The following MED12L variants were observed in gnomAD, a reference collection of about 807,000 sequenced individuals.
MED12L encodes the protein mediator complex subunit 12L, also known as mediator of RNA polymerase II transcription subunit 12-like protein.
In MED12L, 60 loss-of-function variants were observed where a neutral mutation model predicts 281.3. The ratio of observed to expected loss-of-function variants is 0.21; its 90% CI spans 0.17 to 0.26. MED12L has a LOEUF of 0.26. MED12L is among the 10% of genes least tolerant of loss of function. The pLI is 1.00. For synonymous variants in MED12L, 974 were observed against 987.2 expected, an observed-to-expected ratio of 0.99 and a Z score of 0.25; for missense variants, 2,146 against 2,680.9, an observed-to-expected ratio of 0.80 and a Z score of 4.41.
At chr3:151,261,761 G>A (rs1738949028) in intron 16 of MED12L, among the ~76,000 whole-genome samples, 1 of 151,890 alleles carries the variant, frequency 6.6e-6, no homozygotes, top group Non-Finnish European at 1.5e-5. Flanking sequence ...GTCTTGCTGT[G>A]TCATCCAGGC....
rs74485012 is a variant in MED12L, at chr3:151,250,480, C to T, written c.2250+56814C>T. Reference sequence around the variant, plus strand: ...CCCTGGTAACTACTGTTCTTCTCTACGAAGTTGAATACTCTAGCTATCTCA... The same window carrying T: ...CCCTGGTAACTACTGTTCTTCTCTATGAAGTTGAATACTCTAGCTATCTCA... On this transcript the variant is annotated intron_variant, in intron 16 of 44. Transcript: ENST00000687756. Among the ~76,000 whole-genome samples the T allele has an allele frequency of 9.3e-3, 1,423 of 152,206 alleles. 18 individuals are homozygous for T. The highest frequency in any genetic ancestry group is 0.032 in the African/African-American group (1,343 of 41,518).
intron 5 of MED12L, among the ~76,000 whole-genome samples, chr3:151,143,899 G>A (rs1174468503): frequency 6.6e-6 from 1 of 152,198 alleles, no homozygotes; most frequent in African/African-American, 2.4e-5. Context: ...TTTAATATTT[G>A]TAAAAATGCT....
At chr3:151,295,632 C>T (rs540166756) in intron 16 of MED12L, among the ~76,000 whole-genome samples, 22 of 152,318 alleles carry the variant, frequency 1.4e-4, no homozygotes, top group Non-Finnish European at 2.9e-4. Context: ...TTGGCACCCT[C>T]TTTGAATATA....
intron 39 of MED12L, among the ~76,000 whole-genome samples, chr3:151,395,134 A>G (rs1016984998): frequency 1.3e-5 from 2 of 152,196 alleles, no homozygotes; most frequent in African/African-American, 2.4e-5. Flanking sequence ...CTTTTGGTCA[A>G]TTAGAAGAAG....
At chr3:151,086,480 G>GT (rs549111086) in intron 1 of MED12L, 16,859 of 142,598 alleles carry the variant, frequency 0.12, 1,066 homozygotes, top group Middle Eastern at 0.18. Context: ...GCCAAGAAAA[G>GT]TTTTTTTTTT....
intron 16 of MED12L, among the ~76,000 whole-genome samples, chr3:151,324,131 A>C (rs2149836461): frequency 6.6e-6 from 1 of 152,338 alleles, no homozygotes; most frequent in Non-Finnish European, 1.5e-5. Flanking sequence ...ACCATGGGCA[A>C]GGTGTATGTT....
intron 5 of MED12L, among the ~76,000 whole-genome samples, chr3:151,131,235 A>T (rs1164286686): frequency 6.6e-6 from 1 of 152,170 alleles, no homozygotes; most frequent in Non-Finnish European, 1.5e-5. Context: ...TCTGACTTCG[A>T]CTGCTACAAA....
chr3:151,124,151 G>A (rs1027685067), intron 4 of MED12L, among the ~76,000 whole-genome samples: 4 of 152,210 alleles, frequency 2.6e-5, no homozygotes, highest in Admixed American at 2.6e-4. Context: ...CATGTTGCCA[G>A]CCTGACATCT....
intron 21 of MED12L, among the ~76,000 whole-genome samples, 181 bp downstream of exon 21, chr3:151,360,786 C>T (rs191024430): frequency 6.6e-6 from 1 of 152,092 alleles, no homozygotes; most frequent in Admixed American, 6.6e-5. Context: ...GGACAATACA[C>T]GATAGTCTAT....
In MED12L at chr3:151,192,599, T is replaced by G. The variant is rs1724133158; in HGVS notation, c.2018T>G (p.Ile673Ser). 1.3e-6 allele frequency: 2 copies of G among 1,536,360 alleles called. No homozygotes were observed. The highest frequency in any genetic ancestry group is 1.7e-6 in the Non-Finnish European group (2 of 1,146,856). ...HMGIDSGTTNIFDEVDKSDFK... is the reference protein window; with the variant it reads ...HMGIDSGTTNSFDEVDKSDFK... ...GGCATTGACTCAGGAACCACTAACATTTTTGATGAAGTAGACAAGAGTGAC... is the reference window on the plus strand; with the variant it reads ...GGCATTGACTCAGGAACCACTAACAGTTTTGATGAAGTAGACAAGAGTGAC... Residue 673 changes from isoleucine (I) to serine (S), a missense_variant, in exon 15 of 45, where the codon ATT becomes AGT. Ile to Ser is a moderately radical substitution (Grantham distance 142, BLOSUM62 -2). Transcript: ENST00000687756.
chr3:151,258,778 G>A (rs1364721840), intron 16 of MED12L, among the ~76,000 whole-genome samples: 1 of 151,632 alleles, frequency 6.6e-6, no homozygotes, highest in Non-Finnish European at 1.5e-5. Flanking sequence ...CTTGAACTTG[G>A]GAGGTGGAGG....
chr3:151,348,678 A>C lies in MED12L; in HGVS notation c.2251-1381A>C, dbSNP rs368370573. On this transcript the variant is annotated intron_variant, in intron 16 of 44. Transcript: ENST00000687756. ...GGGCATATAAATGTTTATTTCTTGTAATGTATAATAAAAAAGGAACCAGTG... is the reference window on the plus strand; with the variant it reads ...GGGCATATAAATGTTTATTTCTTGTCATGTATAATAAAAAAGGAACCAGTG... Among the ~76,000 whole-genome samples the C allele has an allele frequency of 2.1e-4, 32 of 151,956 alleles. No individual in the cohort carries two copies. In the East Asian group the frequency reaches 4.5e-3, roughly 21 times the overall value.
chr3:151,427,062 C>T (rs1577628402), intron 43 of MED12L, among the ~76,000 whole-genome samples: 1 of 152,246 alleles, frequency 6.6e-6, no homozygotes, highest in East Asian at 1.9e-4. Context: ...AAGCTGTCTG[C>T]TCGCCTTGGC....
intron 16 of MED12L, among the ~76,000 whole-genome samples, chr3:151,275,031 C>G (rs57738995): frequency 7.9e-4 from 121 of 152,290 alleles, no homozygotes; most frequent in African/African-American, 2.8e-3. Context: ...GGGCTCGACT[C>G]ACTGGGAAGA....
rs369520908 is a variant in MED12L, at chr3:151,170,535, A to G, written c.1494+4553A>G. 8.2e-4 allele frequency among the ~76,000 whole-genome samples: 125 copies of G among 151,938 alleles called. No homozygotes were observed. The Middle Eastern group carries it at 0.01, about 12-fold the overall frequency. On this transcript the variant is annotated intron_variant, in intron 11 of 44. Coordinates refer to ENST00000687756, the MANE Select transcript of MED12L (RefSeq NM_001393769.1). Reference sequence around the variant, plus strand: ...GTGATCCACCCACCTCAGCCTCCCAAAGTGCTAGAATTACAGGCGTGAGCC... The same window carrying G: ...GTGATCCACCCACCTCAGCCTCCCAGAGTGCTAGAATTACAGGCGTGAGCC...
rs911033515 is a variant in MED12L, at chr3:151,433,964, A to G, written c.*1160A>G. ...TTTAACTTTGTTCAAGTATGTGGTA[A>G]TTTGCTCCTATTAGAGTAAAAAAGA... On this transcript the variant is annotated 3_prime_UTR_variant, in exon 45 of 45. Coordinates refer to ENST00000687756, the MANE Select transcript of MED12L (RefSeq NM_001393769.1). 1.8e-4 allele frequency: 28 copies of G among 152,642 alleles called. No individual in the cohort carries two copies. The highest frequency in any genetic ancestry group is 6.8e-4 in the African/African-American group (28 of 41,446). 9.5% of individuals were successfully genotyped at this position (152,642 alleles called of 1,614,324 possible).
At position 151,116,452 on chromosome 3, in the gene MED12L, T is replaced by C. The variant is rs1271044365; in HGVS notation, c.204+10T>C. 6.3e-7 allele frequency: 1 copy of C among 1,575,844 alleles called. No homozygotes were observed. The highest frequency in any genetic ancestry group is 2.2e-5 in the East Asian group (1 of 44,452). On this transcript the variant is annotated intron_variant, in intron 3 of 44. Transcript: ENST00000687756. The stretch of plus-strand genomic sequence containing the variant: ...AATTAACCCATCAAAGGTAATGTTA[T>C]TTGTTTGTTTCCTCAAACTCCTGAA...
chr3:151,365,762 A>T, intron 22 of MED12L, 88 bp from the exon 23 acceptor site: 1 of 1,154,312 alleles, frequency 8.7e-7, no homozygotes. Flanking sequence ...GTTTGATGTT[A>T]GTGAAATATA....
Position 151,188,409 on chromosome 3 carries a change from T to C in MED12L, c.1682T>C (p.Leu561Pro), listed in dbSNP as rs1397894252. The C allele has an allele frequency of 1.2e-6, 2 of 1,612,184 alleles. No homozygotes were observed. Among genetic ancestry groups the C allele is most frequent in the Non-Finnish European group, 8.5e-7 (1 of 1,178,280 alleles). Reference sequence around the variant, plus strand: ...AAGGAGTCTATTTCTTCATCCTCTCTTGCTGGATCCAGTTTGCCTGTTTTC... The same window carrying C: ...AAGGAGTCTATTTCTTCATCCTCTCCTGCTGGATCCAGTTTGCCTGTTTTC... ...DEKESISSSS[L>P]AGSSLPVFQN... Residue 561 changes from leucine (L) to proline (P), a missense_variant, in exon 13 of 45, where the codon CTT becomes CCT. This residue lies in a region of MED12L where 722 missense variants were observed against 861.2 expected (regional missense o/e 0.84). Coordinates refer to ENST00000687756, the MANE Select transcript of MED12L (RefSeq NM_001393769.1).
Sources: gnomAD v4.1 joint callset for allele counts (sites outside exome capture counted in the v4.1 genomes callset) on GRCh38, gnomAD v4.1.1 for gene constraint, gnomAD v4.1.1 regional missense constraint, MANE v1.5 for transcripts, NCBI Gene and HGNC (gene_info 2026-07-23, HGNC 2026-07-21) for gene names.